Variants in CACNB2 observed in about 807,000 individuals in gnomAD.
CACNB2 encodes voltage-dependent L-type calcium channel subunit beta-2.
A neutral mutation model predicts 73.3 loss-of-function variants in CACNB2; 42 were observed. The ratio of observed to expected loss-of-function variants is 0.57; its 90% confidence interval spans 0.45 to 0.74. The LOEUF (loss-of-function observed/expected upper bound fraction) is 0.74, where lower values mean the gene tolerates loss of function less well. Among genes scored for constraint, CACNB2 ranks in the 30% least tolerant of loss-of-function variants. The pLI is 0.00. For missense variants in CACNB2, 940 were observed against 853.0 expected (o/e 1.10, Z -1.27); for synonymous variants, 348 against 310.3 (o/e 1.12, Z -1.28).
In CACNB2 at chr10:18,539,883, A is replaced by AGAG. The variant is rs2053974558; in HGVS notation, c.*160_*162dup. 4 of 775,828 alleles carry AGAG rather than the reference A, an allele frequency of 5.2e-6. No individual in the cohort carries two copies. The Admixed American group carries it at 8.9e-5, about 17-fold the overall frequency. The allele number at this position is 775,828 out of a possible 1,614,324, so 48.1% of individuals were successfully genotyped here. ...TTGCTTGAATAGCAATAGCATGGATAGAGTATTGAGATACTTTTTCTTTTG... is the reference window on the plus strand; with the variant it reads ...TTGCTTGAATAGCAATAGCATGGATAGAGGAGTATTGAGATACTTTTTCTTTTG... On this transcript the variant is annotated 3_prime_UTR_variant, in exon 14 of 14. Transcript: ENST00000324631.
chr10:18,409,905 G>A (rs778097427), intron 3 of CACNB2, among the ~76,000 whole-genome samples: 5 of 152,036 alleles, frequency 3.3e-5, no homozygotes, highest in African/African-American at 2.4e-5. Flanking sequence ...TATGTCACTC[G>A]CCTTTACTCT....
chr10:18,227,802 T>C (rs973439612), intron 2 of CACNB2, among the ~76,000 whole-genome samples: 11 of 152,232 alleles, frequency 7.2e-5, no homozygotes, highest in Admixed American at 1.3e-4. Context: ...GGTTGACATG[T>C]TGTCATACAA....
At chr10:18,528,384 G>T (rs1177513695) in intron 10 of CACNB2, among the ~76,000 whole-genome samples, 1 of 152,088 alleles carries the variant, frequency 6.6e-6, no homozygotes, top group Non-Finnish European at 1.5e-5. Context: ...AATCTTTTTG[G>T]TATGTGCTTG....
At chr10:18,499,774 C>G (rs2050086806) in intron 4 of CACNB2, among the ~76,000 whole-genome samples, 1 of 133,198 alleles carries the variant, frequency 7.5e-6, no homozygotes, top group Non-Finnish European at 1.6e-5. Flanking sequence ...CCCAGGAGAC[C>G]AGCCTGGGCA....
At chr10:18,465,907 C>T (rs2047856804) in intron 3 of CACNB2, among the ~76,000 whole-genome samples, 1 of 152,224 alleles carries the variant, frequency 6.6e-6, no homozygotes, top group Non-Finnish European at 1.5e-5. Flanking sequence ...TCTCGAACTC[C>T]TGACCTCAAG....
intron 9 of CACNB2, chr10:18,520,120 C>T (rs776801397): frequency 9.4e-5 from 18 of 191,486 alleles, no homozygotes; most frequent in Non-Finnish European, 1.7e-4. Flanking sequence ...AAATTCCATT[C>T]CTTTGCCAGT....
intron 2 of CACNB2, among the ~76,000 whole-genome samples, chr10:18,252,094 G>A (rs2037113905): frequency 6.6e-6 from 1 of 152,122 alleles, no homozygotes; most frequent in Admixed American, 6.5e-5. Flanking sequence ...CTATTCTTGG[G>A]TCAAGCCAAA....
At position 18,514,939 on chromosome 10, in the gene CACNB2, A is replaced by G. The variant is rs779482293; in HGVS notation, c.804+570A>G. 2.1e-6 allele frequency: 3 copies of G among 1,440,246 alleles called. No individual in the cohort carries two copies. The South Asian group carries it at 3.4e-5, about 17-fold the overall frequency. 89.2% of individuals were successfully genotyped at this position (1,440,246 alleles called of 1,614,324 possible). Reference sequence around the variant, plus strand: ...GCTTGTACTAAAAAAAAAAGTATTCAAGTTTTAATTTAGTCAGTATTTAAA... The same window carrying G: ...GCTTGTACTAAAAAAAAAAGTATTCGAGTTTTAATTTAGTCAGTATTTAAA... On this transcript the variant is annotated intron_variant, in intron 7 of 13. Coordinates refer to ENST00000324631, the MANE Select transcript of CACNB2 (RefSeq NM_201596.3).
intron 2 of CACNB2, among the ~76,000 whole-genome samples, chr10:18,370,246 G>A (rs1241866191): frequency 6.6e-6 from 1 of 152,098 alleles, no homozygotes; most frequent in Non-Finnish European, 1.5e-5. Context: ...CAGGAGTGCC[G>A]GCATTACCGT....
intron 3 of CACNB2, among the ~76,000 whole-genome samples, chr10:18,473,102 A>G (rs550966002): frequency 4.8e-4 from 73 of 152,334 alleles, no homozygotes; most frequent in African/African-American, 1.7e-3. Flanking sequence ...GACATGTATG[A>G]GAATCAACTG....
chr10:18,284,403 T>C (rs1296329632), intron 2 of CACNB2, among the ~76,000 whole-genome samples: 2 of 152,200 alleles, frequency 1.3e-5, no homozygotes, highest in Non-Finnish European at 2.9e-5. Context: ...CACAGCTAAA[T>C]CATATCACGT....
At chr10:18,481,122 T>C (rs1349640587) in intron 3 of CACNB2, among the ~76,000 whole-genome samples, 1 of 140,242 alleles carries the variant, frequency 7.1e-6, no homozygotes, top group Non-Finnish European at 1.5e-5. Context: ...CACAAAGCAC[T>C]GGGCAGACAC....
intron 2 of CACNB2, chr10:18,261,042 C>A: frequency 7.2e-7 from 1 of 1,384,332 alleles, no homozygotes; most frequent in South Asian, 1.6e-5. Context: ...TCTCAAATTA[C>A]GCCCCCCACC....
rs190889146 is a variant in CACNB2, at chr10:18,480,031, T to C, written c.334-18324T>C. 2.6e-5 allele frequency among the ~76,000 whole-genome samples: 4 copies of C among 152,332 alleles called. No homozygotes were observed. In the East Asian group the frequency reaches 7.7e-4, roughly 29 times the overall value. On this transcript the variant is annotated intron_variant, in intron 3 of 13. Coordinates refer to ENST00000324631, the MANE Select transcript of CACNB2 (RefSeq NM_201596.3). ...ACTCTGGGCTGTTTGCTAAAACTAA[T>C]TTGTCCTCAAAGGAAAGCGAGTTAT... is the stretch of plus-strand genomic sequence containing the variant.
chr10:18,157,178 C>T (rs574428075), intron 2 of CACNB2, among the ~76,000 whole-genome samples: 17 of 152,122 alleles, frequency 1.1e-4, no homozygotes, highest in South Asian at 6.2e-4. Context: ...ATATACTGAA[C>T]GTATAATTTC....
chr10:18,207,781 TAAG>T (rs1432757120), intron 2 of CACNB2, among the ~76,000 whole-genome samples: 3 of 152,222 alleles, frequency 2.0e-5, no homozygotes, highest in Non-Finnish European at 2.9e-5. Context: ...ATTTGTTACT[TAAG>T]AACCATTATT....
chr10:18,509,243 G>C (rs1433909534), intron 6 of CACNB2, among the ~76,000 whole-genome samples: 1 of 152,214 alleles, frequency 6.6e-6, no homozygotes, highest in Non-Finnish European at 1.5e-5. Context: ...GGATGGGTCT[G>C]TAATGATCAT....
At chr10:18,484,552 C>G (rs534931010) in intron 3 of CACNB2, among the ~76,000 whole-genome samples, 1 of 152,116 alleles carries the variant, frequency 6.6e-6, no homozygotes, top group Non-Finnish European at 1.5e-5. Context: ...ATGTAGCCAA[C>G]CAAGGGAAGA....
At chr10:18,238,683 G>A (rs758857951) in intron 2 of CACNB2, among the ~76,000 whole-genome samples, 9 of 152,198 alleles carry the variant, frequency 5.9e-5, no homozygotes, top group East Asian at 5.8e-4. Flanking sequence ...AAATTTCTTC[G>A]TGATCACTCT....
Sources: allele counts gnomAD v4.1 joint callset (sites outside exome capture counted in the v4.1 genomes callset), GRCh38; gene constraint gnomAD v4.1.1; transcripts MANE v1.5; gene names NCBI Gene and HGNC (gene_info 2026-07-23, HGNC 2026-07-21).